FAR1: variants seen among roughly 807,000 people sequenced by gnomAD.
The protein encoded by FAR1 is male sterility domain-containing protein 2.
FAR1 carries 22 observed loss-of-function variants against 61.1 expected under a neutral mutation model. That is an observed-to-expected ratio of 0.36 (90% CI 0.26 to 0.51). The LOEUF (loss-of-function observed/expected upper bound fraction) is 0.51, where lower values mean the gene tolerates loss of function less well. Ranked by LOEUF, FAR1 falls within the 20% of genes least tolerant of loss-of-function variation. FAR1 has a pLI of 0.95. For missense variants in FAR1, 359 were observed against 626.9 expected (o/e 0.57, Z 4.56); for synonymous variants, 206 against 209.7 (o/e 0.98, Z 0.15).
At position 13,700,500 on chromosome 11, in the gene FAR1, C is replaced by T. The variant is rs771877509; in HGVS notation, c.365+8C>T. The stretch of plus-strand genomic sequence containing the variant: ...GTTTAATGAAAATTTAAGGTAAGTA[C>T]AAGTAATTATATAATATTTGAACTT... On this transcript the variant is annotated splice_region_variant and intron_variant, in intron 3 of 11. Coordinates refer to ENST00000354817, the MANE Select transcript of FAR1 (RefSeq NM_032228.6). 6.3e-6 allele frequency: 9 copies of T among 1,427,492 alleles called. No individual in the cohort carries two copies. In the South Asian group the frequency reaches 8.7e-5, roughly 14 times the overall value. The allele number at this position is 1,427,492 out of a possible 1,614,324, so 88.4% of individuals were successfully genotyped here.
Position 13,730,995 on chromosome 11 carries a change from G to A in FAR1, c.*2221G>A, listed in dbSNP as rs1221626872. 1 of 152,116 alleles carries A rather than the reference G, an allele frequency of 6.6e-6. No individual in the cohort carries two copies. Among genetic ancestry groups the A allele is most frequent in the Non-Finnish European group, 1.5e-5 (1 of 67,980 alleles). 9.4% of individuals were successfully genotyped at this position (152,116 alleles called of 1,614,324 possible). A position where few individuals can be genotyped will look rare whatever the true frequency, so the allele number is the denominator to read the frequency against. On this transcript the variant is annotated 3_prime_UTR_variant, in exon 12 of 12. Coordinates refer to ENST00000354817, the MANE Select transcript of FAR1 (RefSeq NM_032228.6). ...AAATTATTTGTGTCATTTACTAGAC[G>A]TGATTTTTAGTTCTGTTTGATTATA...
At position 13,729,733 on chromosome 11, in the gene FAR1, CATT is replaced by C. The variant is rs1470091492; in HGVS notation, c.*965_*967del. On this transcript the variant is annotated 3_prime_UTR_variant, in exon 12 of 12. Coordinates refer to ENST00000354817, the MANE Select transcript of FAR1 (RefSeq NM_032228.6). Reference sequence around the variant, plus strand: ...ATCTTTCCAGTGAAAACTGAAAGTGCATTATTATGGAAGAATGTATTTGCAGGT... The same window carrying C: ...ATCTTTCCAGTGAAAACTGAAAGTGCATTATGGAAGAATGTATTTGCAGGT... The C allele has an allele frequency of 2.0e-5, 3 of 151,824 alleles. No homozygotes were observed. The highest frequency in any genetic ancestry group is 4.4e-5 in the Non-Finnish European group (3 of 67,844). The allele number at this position is 151,824 out of a possible 1,614,324, so 9.4% of individuals were successfully genotyped here.
Position 13,714,668 on chromosome 11 carries a change from G to A in FAR1, c.1115G>A (p.Gly372Glu). ...TATGATATCTACCTCAGGATGACTG[G>A]AAGAAGCCCAAGGTAATGGTGACTA... ...FLYDIYLRMT[G>E]RSPRMMKTIT... Residue 372 changes from glycine (G) to glutamate (E), a missense_variant, in exon 9 of 12, where the codon GGA (glycine) becomes GAA (glutamate). Physicochemically the swap from Gly to Glu is moderately conservative, Grantham distance 98. Coordinates refer to ENST00000354817, the MANE Select transcript of FAR1 (RefSeq NM_032228.6). The A allele has an allele frequency of 6.2e-7, 1 of 1,609,258 alleles. No homozygotes were observed. Among genetic ancestry groups the A allele is most frequent in the Non-Finnish European group, 8.5e-7 (1 of 1,178,010 alleles).
intron 2 of FAR1, among the ~76,000 whole-genome samples, chr11:13,699,831 A>C (rs564535576): frequency 3.3e-4 from 50 of 152,318 alleles, no homozygotes; most frequent in African/African-American, 1.2e-3. Flanking sequence ...TTTCCTTTTT[A>C]AAAATTTGTT....
At chr11:13,698,292 T>G (rs892162794) in intron 2 of FAR1, among the ~76,000 whole-genome samples, 3 of 152,210 alleles carry the variant, frequency 2.0e-5, no homozygotes, top group African/African-American at 7.2e-5. Flanking sequence ...TCTCTTGGAC[T>G]TGTATGCTGA....
intron 2 of FAR1, among the ~76,000 whole-genome samples, chr11:13,699,482 T>C (rs139780363): frequency 1.4e-4 from 21 of 152,328 alleles, no homozygotes; most frequent in African/African-American, 4.8e-4. Context: ...AGCACTGATA[T>C]GTTATATAGA....
In FAR1 at chr11:13,731,791, A is replaced by G. The variant is rs1481495541; in HGVS notation, c.*3017A>G. On this transcript the variant is annotated 3_prime_UTR_variant, in exon 12 of 12. Transcript: ENST00000354817. Reference sequence around the variant, plus strand: ...TACCTCCAGGGTGTCATTGGGTTCCAGCTGCTCTCCTCCACATTGAATGAT... The same window carrying G: ...TACCTCCAGGGTGTCATTGGGTTCCGGCTGCTCTCCTCCACATTGAATGAT... The G allele has an allele frequency of 6.6e-6, 1 of 152,180 alleles. No individual in the cohort carries two copies. Among genetic ancestry groups the G allele is most frequent in the Admixed American group, 6.6e-5 (1 of 15,262 alleles). The allele number at this position is 152,180 out of a possible 1,614,324, so 9.4% of individuals were successfully genotyped here.
At chr11:13,693,629 C>G (rs1848277550) in intron 1 of FAR1, among the ~76,000 whole-genome samples, 1 of 152,108 alleles carries the variant, frequency 6.6e-6, no homozygotes, top group East Asian at 1.9e-4. Flanking sequence ...GGATCCTGAC[C>G]TTGATGTTTT....
intron 4 of FAR1, 146 bp from the exon 5 acceptor site, chr11:13,710,547 A>C: frequency 1.6e-6 from 1 of 629,364 alleles, no homozygotes; most frequent in East Asian, 3.2e-5. Flanking sequence ...AAGAAAAATA[A>C]GACTAAGTTC....
In FAR1 at chr11:13,728,177, G is replaced by A. The variant is rs113816975; in HGVS notation, c.1386-435G>A. 1.4e-3 allele frequency among the ~76,000 whole-genome samples: 212 copies of A among 151,876 alleles called. 1 individual carries two copies. Among genetic ancestry groups the A allele is most frequent in the African/African-American group, 4.8e-3 (200 of 41,486 alleles). ...AACATCAAAATTTTTTGAAACATGA[G>A]CTGAAACATGAGAGTAACATATTGT... On this transcript the variant is annotated intron_variant, in intron 11 of 11. Coordinates refer to ENST00000354817, the MANE Select transcript of FAR1 (RefSeq NM_032228.6).
intron 2 of FAR1, among the ~76,000 whole-genome samples, chr11:13,695,434 T>C (rs1190141484): frequency 6.6e-6 from 1 of 152,138 alleles, no homozygotes; most frequent in African/African-American, 2.4e-5. Context: ...GAATATAATA[T>C]GTCATATATT....
chr11:13,706,768 A>G (rs1274109052), intron 3 of FAR1, among the ~76,000 whole-genome samples: 1 of 152,182 alleles, frequency 6.6e-6, no homozygotes, highest in African/African-American at 2.4e-5. Flanking sequence ...TCTATCCACC[A>G]TCTCATTACC....
intron 3 of FAR1, among the ~76,000 whole-genome samples, chr11:13,704,044 CAAA>C (rs55995847): frequency 2.5e-5 from 2 of 79,620 alleles, no homozygotes; most frequent in Admixed American, 1.4e-4. Context: ...AACTCCGTCT[CAAA>C]AAAAAAAAAA....
chr11:13,720,701 C>G (rs1848601324), intron 9 of FAR1: 1 of 151,866 alleles, frequency 6.6e-6, no homozygotes, highest in Non-Finnish European at 1.5e-5. Context: ...CCTCCCATTT[C>G]TAAAACCCCT....
chr11:13,705,540 C>T (rs1277223076), intron 3 of FAR1, among the ~76,000 whole-genome samples: 1 of 152,194 alleles, frequency 6.6e-6, no homozygotes, highest in East Asian at 1.9e-4. Context: ...AAACATGGCT[C>T]TTCCTGCCCC....
chr11:13,707,670 A>G (rs192911022), intron 3 of FAR1, among the ~76,000 whole-genome samples: 22 of 152,270 alleles, frequency 1.4e-4, no homozygotes, highest in Admixed American at 9.2e-4. Context: ...TTAAATTTCT[A>G]CTTTAATTTT....
At chr11:13,669,444 T>C (rs1312330621) in intron 1 of FAR1, 1 of 152,166 alleles carries the variant, frequency 6.6e-6, no homozygotes, top group African/African-American at 2.4e-5. Flanking sequence ...AACCGGAAGG[T>C]GGCTGAGAAG....
intron 10 of FAR1, among the ~76,000 whole-genome samples, chr11:13,725,688 A>G (rs1196380080): frequency 6.6e-6 from 1 of 152,134 alleles, no homozygotes; most frequent in African/African-American, 2.4e-5. Flanking sequence ...TATATGGTGT[A>G]TGTTTCTCCA....
intron 1 of FAR1, among the ~76,000 whole-genome samples, chr11:13,693,002 G>GT (rs1319796465): frequency 2.6e-5 from 4 of 152,116 alleles, no homozygotes; most frequent in African/African-American, 9.7e-5. Context: ...GTAGCTGATA[G>GT]TGGCTTCCTC....
Sources: allele counts gnomAD v4.1 joint callset (sites outside exome capture counted in the v4.1 genomes callset), GRCh38; gene constraint gnomAD v4.1.1; transcripts MANE v1.5; gene names NCBI Gene and HGNC (gene_info 2026-07-23, HGNC 2026-07-21).